The following THEMIS variants were observed in gnomAD, a reference collection of about 807,000 sequenced individuals.
The protein encoded by THEMIS is thymocyte selection associated, also known as protein THEMIS.
THEMIS carries 37 observed loss-of-function variants against 52.6 expected under a neutral mutation model. The observed-to-expected ratio is 0.70, with a 90% CI of 0.54 to 0.93. The LOEUF (loss-of-function observed/expected upper bound fraction) is 0.93, where lower values mean the gene tolerates loss of function less well. Among genes scored for constraint, THEMIS ranks in the 40% least tolerant of loss-of-function variants. The pLI, the probability that THEMIS is intolerant of heterozygous loss-of-function variation, is 0.00. For missense variants in THEMIS, 808 were observed against 763.1 expected (o/e 1.06, Z -0.69); for synonymous variants, 292 against 272.7 (o/e 1.07, Z -0.70).
chr6:127,725,579 C>T (rs1294431495), intron 4 of THEMIS, among the ~76,000 whole-genome samples: 1 of 151,922 alleles, frequency 6.6e-6, no homozygotes, highest in Non-Finnish European at 1.5e-5. Flanking sequence ...TTATAAAGGT[C>T]CATAATATGA....
intron 1 of THEMIS, among the ~76,000 whole-genome samples, chr6:127,866,212 TAAAG>T (rs1054636879): frequency 1.3e-5 from 2 of 152,094 alleles, no homozygotes; most frequent in African/African-American, 4.8e-5. Context: ...ATCGAAAGAA[TAAAG>T]ATAGATTAAT....
At position 127,821,179 on chromosome 6, in the gene THEMIS, A is replaced by T. The variant is rs1010306456; in HGVS notation, c.710-7248T>A. On this transcript the variant is annotated intron_variant, in intron 3 of 5. Transcript: ENST00000368248. ...GTGTGTGTGTCTGTGTGTGTGAGAGAGAGAGAGAGAGAGAGATAAATTTTT... is the reference window on the plus strand; with the variant it reads ...GTGTGTGTGTCTGTGTGTGTGAGAGTGAGAGAGAGAGAGAGATAAATTTTT... Among the ~76,000 whole-genome samples, 24 of 151,714 alleles carry T rather than the reference A, an allele frequency of 1.6e-4. 1 individual carries two copies. In the East Asian group the frequency reaches 3.7e-3, roughly 23 times the overall value.
chr6:127,886,005 G>T (rs535603423), intron 1 of THEMIS, among the ~76,000 whole-genome samples: 1 of 152,130 alleles, frequency 6.6e-6, no homozygotes, highest in Non-Finnish European at 1.5e-5. Flanking sequence ...GCCATATGTG[G>T]TTCTCCACCA....
chr6:127,881,981 G>C (rs973014269), intron 1 of THEMIS, among the ~76,000 whole-genome samples: 2 of 140,276 alleles, frequency 1.4e-5, no homozygotes, highest in Non-Finnish European at 3.0e-5. Context: ...AGTAGCTGAA[G>C]TGTCATCTTA....
chr6:127,785,741 C>T (rs1293107542), intron 4 of THEMIS, among the ~76,000 whole-genome samples: 3 of 151,828 alleles, frequency 2.0e-5, no homozygotes, highest in African/African-American at 7.3e-5. Context: ...CTAAGAATAT[C>T]TTTAATGAAG....
intron 2 of THEMIS, among the ~76,000 whole-genome samples, chr6:127,837,072 G>A (rs1778896026): frequency 6.6e-6 from 1 of 152,096 alleles, no homozygotes; most frequent in Non-Finnish European, 1.5e-5. Flanking sequence ...GTTTTCCAAG[G>A]TTTGTGTTTG....
At chr6:127,839,239 ATAAG>A (rs746871565) in intron 2 of THEMIS, among the ~76,000 whole-genome samples, 21 of 152,080 alleles carry the variant, frequency 1.4e-4, no homozygotes, top group Non-Finnish European at 2.8e-4. Flanking sequence ...TTTTTAATAA[ATAAG>A]TAAACTTGTA....
chr6:127,852,887 T>G (rs1278243561), intron 2 of THEMIS, among the ~76,000 whole-genome samples: 1 of 151,504 alleles, frequency 6.6e-6, no homozygotes, highest in Non-Finnish European at 1.5e-5. Context: ...TAAAACTGTT[T>G]TATAAACATC....
downstream of THEMIS, among the ~76,000 whole-genome samples, chr6:127,707,539 T>G (rs1295230947): frequency 6.6e-6 from 1 of 152,068 alleles, no homozygotes; most frequent in African/African-American, 2.4e-5. Context: ...ATGACTGAAG[T>G]TTGGACCACA....
At chr6:127,847,666 C>T (rs1055995455) in intron 2 of THEMIS, among the ~76,000 whole-genome samples, 1 of 151,914 alleles carries the variant, frequency 6.6e-6, no homozygotes, top group Non-Finnish European at 1.5e-5. Context: ...AATGGAAACA[C>T]ATCCCATGCT....
chr6:127,725,072 G>A (rs1774492341), intron 4 of THEMIS, among the ~76,000 whole-genome samples: 1 of 151,944 alleles, frequency 6.6e-6, no homozygotes, highest in South Asian at 2.1e-4. Context: ...GCAACTTGAA[G>A]TATCCTAGAT....
At chr6:127,874,445 C>T (rs140979291) in intron 1 of THEMIS, among the ~76,000 whole-genome samples, 22 of 152,054 alleles carry the variant, frequency 1.4e-4, no homozygotes, top group East Asian at 9.7e-4. Context: ...TGGTAGTATA[C>T]GATAAAATAG....
rs1773901358 is a variant in THEMIS at position 127,709,484 on chromosome 6, G to C, written c.*501C>G. 6.6e-6 allele frequency: 1 copy of C among 152,224 alleles called. No homozygotes were observed. Among genetic ancestry groups the C allele is most frequent in the African/African-American group, 2.4e-5 (1 of 41,406 alleles). 9.4% of individuals were successfully genotyped at this position (152,224 alleles called of 1,614,324 possible). A position where few individuals can be genotyped will look rare whatever the true frequency, so the allele number is the denominator to read the frequency against. On this transcript the variant is annotated 3_prime_UTR_variant, in exon 6 of 6. Transcript: ENST00000368248. ...CAAACTCCTTTCCATAGTTCCAAGG[G>C]ATTTGGATAAGAAACCTGAACATTT...
At chr6:127,786,461 T>C (rs754835768) in intron 4 of THEMIS, among the ~76,000 whole-genome samples, 41 of 152,216 alleles carry the variant, frequency 2.7e-4, no homozygotes, top group Non-Finnish European at 5.4e-4. Flanking sequence ...AAGGTAGGTT[T>C]GTTTATATCT....
At chr6:127,734,689 T>C (rs1030401913) in intron 4 of THEMIS, among the ~76,000 whole-genome samples, 2 of 151,320 alleles carry the variant, frequency 1.3e-5, no homozygotes, top group Non-Finnish European at 2.9e-5. Context: ...GCTAACATGG[T>C]GAAACCCCCT....
the THEMIS span, among the ~76,000 whole-genome samples, chr6:127,697,811 C>A: frequency 2.0e-5 from 3 of 152,068 alleles, no homozygotes; most frequent in Admixed American, 6.6e-5. Context: ...TTCTAGAGCC[C>A]CTTTCCTGTA....
At chr6:127,907,663 A>C (rs1374227145) in intron 1 of THEMIS, among the ~76,000 whole-genome samples, 1 of 151,948 alleles carries the variant, frequency 6.6e-6, no homozygotes. Flanking sequence ...AAGAGGAGAT[A>C]TATCAAAGGG....
intron 1 of THEMIS, among the ~76,000 whole-genome samples, 177 bp downstream of exon 1, chr6:127,900,665 C>T (rs1781108266): frequency 6.6e-6 from 1 of 152,038 alleles, no homozygotes; most frequent in Non-Finnish European, 1.5e-5. Context: ...TAGTTTCTCC[C>T]CTCTCCAACA....
chr6:127,876,813 C>G (rs545964495), intron 1 of THEMIS, among the ~76,000 whole-genome samples: 1 of 152,052 alleles, frequency 6.6e-6, no homozygotes, highest in African/African-American at 2.4e-5. Context: ...CTTGGACATA[C>G]GTGGAAATAA....
Sources: gnomAD v4.1 joint callset for allele counts (sites outside exome capture counted in the v4.1 genomes callset) on GRCh38, gnomAD v4.1.1 for gene constraint, MANE v1.5 for transcripts, NCBI Gene and HGNC (gene_info 2026-07-23, HGNC 2026-07-21) for gene names.